The following RGS6 variants were observed in gnomAD, a reference collection of about 807,000 sequenced individuals.
RGS6 encodes the protein regulator of G protein signaling 6.
A neutral mutation model predicts 78.5 loss-of-function variants in RGS6; 30 were observed. The ratio of observed to expected loss-of-function variants is 0.38; its 90% CI spans 0.29 to 0.52. RGS6 has a LOEUF of 0.52. Among genes scored for constraint, RGS6 ranks in the 20% least tolerant of loss-of-function variants. The pLI is 0.85. For synonymous variants in RGS6, 206 were observed against 206.0 expected (o/e 1.00, Z 0.00); for missense variants, 495 against 609.7 (o/e 0.81, Z 1.98).
At chr14:72,295,196 C>T (rs1460009341) in intron 2 of RGS6, among the ~76,000 whole-genome samples, 2 of 149,416 alleles carry the variant, frequency 1.3e-5, no homozygotes, top group African/African-American at 4.9e-5. Flanking sequence ...GAGGCTGAGG[C>T]AGGAGAATGG....
At chr14:72,067,379 A>G (rs1357779863) in intron 2 of RGS6, among the ~76,000 whole-genome samples, 1 of 152,160 alleles carries the variant, frequency 6.6e-6, no homozygotes, top group Non-Finnish European at 1.5e-5. Context: ...CTTAAAACCT[A>G]GATAATAGGT....
chr14:72,494,372 TA>T lies in RGS6; in HGVS notation c.855-773del, dbSNP rs1355552234. Among the ~76,000 whole-genome samples the T allele has an allele frequency of 3.3e-5, 5 of 151,852 alleles. No individual in the cohort carries two copies. In the South Asian group the frequency reaches 6.2e-4, roughly 19 times the overall value. On this transcript the variant is annotated intron_variant, in intron 12 of 17. Transcript: ENST00000553525. ...TAGAAAGATAAATTCTTGTCTAAAA[TA>T]AAAAAATCAGGAATAGATATAAAAG...
intron 13 of RGS6, 35 bp downstream of exon 13, chr14:72,495,297 A>G: frequency 7.8e-7 from 1 of 1,277,654 alleles, no homozygotes; most frequent in Non-Finnish European, 1.1e-6. Flanking sequence ...AGTGGGATGA[A>G]TGTAGACAAA....
intron 17 of RGS6, among the ~76,000 whole-genome samples, chr14:72,545,031 T>C (rs952461191): frequency 2.0e-5 from 3 of 152,230 alleles, no homozygotes; most frequent in African/African-American, 7.2e-5. Flanking sequence ...GGAACAGCCT[T>C]GCACCCTGGT....
At chr14:72,446,900 G>A (rs900873865) in intron 3 of RGS6, among the ~76,000 whole-genome samples, 2 of 152,140 alleles carry the variant, frequency 1.3e-5, no homozygotes, top group Admixed American at 1.3e-4. Flanking sequence ...AGGCAGTAAT[G>A]TGAGTGATGG....
rs754801436 is a variant in RGS6 at position 72,550,452 on chromosome 14, C to T, written c.1422+10358C>T. 3.3e-4 allele frequency: 501 copies of T among 1,535,402 alleles called. 2 individuals carry two copies. The highest frequency in any genetic ancestry group is 1.0e-3 in the Middle Eastern group (6 of 5,990). On this transcript the variant is annotated intron_variant, in intron 17 of 17. Transcript: ENST00000553525. ...AGTACATCTGAGCCCCCGTGCCTAA[C>T]AGGAAAAGACAGACTGTCAAGCAAG...
At chr14:72,425,402 G>T (rs936634794) in intron 3 of RGS6, among the ~76,000 whole-genome samples, 7 of 152,166 alleles carry the variant, frequency 4.6e-5, no homozygotes, top group Admixed American at 4.6e-4. Context: ...GCCTCCCAAA[G>T]TGCTGGGATT....
intron 12 of RGS6, among the ~76,000 whole-genome samples, chr14:72,481,805 CTT>C (rs34462310): frequency 0.11 from 12,695 of 119,834 alleles, 462 homozygotes; most frequent in South Asian, 0.15. Flanking sequence ...TTTATTTTAA[CTT>C]TTTTTTTTTT....
intron 2 of RGS6, among the ~76,000 whole-genome samples, chr14:72,262,712 T>G (rs2058376858): frequency 6.6e-6 from 1 of 152,196 alleles, no homozygotes; most frequent in Admixed American, 6.5e-5. Context: ...TAGAACCAAT[T>G]ACCTGTGAAA....
the RGS6 span, chr14:72,612,625 T>A: frequency 3.9e-6 from 2 of 518,466 alleles, no homozygotes; most frequent in South Asian, 2.8e-5. Flanking sequence ...AGAATCAGGG[T>A]CTCAGTGGGG....
chr14:72,143,097 A>C (rs935007622), intron 2 of RGS6, among the ~76,000 whole-genome samples: 1 of 152,138 alleles, frequency 6.6e-6, no homozygotes, highest in Non-Finnish European at 1.5e-5. Context: ...GCTGGGCTCC[A>C]TGGCTCACAT....
chr14:72,316,811 G>A (rs1180649104), intron 2 of RGS6, among the ~76,000 whole-genome samples: 3 of 151,838 alleles, frequency 2.0e-5, no homozygotes, highest in Admixed American at 1.3e-4. Flanking sequence ...GGCCAAATCA[G>A]TAAACCTGAA....
intron 3 of RGS6, among the ~76,000 whole-genome samples, chr14:72,356,345 A>T (rs904584864): frequency 3.3e-5 from 5 of 152,086 alleles, no homozygotes; most frequent in Non-Finnish European, 7.4e-5. Flanking sequence ...TATGTAAGAC[A>T]TGCCTTTTTT....
intron 17 of RGS6, among the ~76,000 whole-genome samples, chr14:72,561,898 C>T (rs2153555787): frequency 6.6e-6 from 1 of 152,284 alleles, no homozygotes; most frequent in South Asian, 2.1e-4. Flanking sequence ...CAAGAGGACT[C>T]AAGGTCTTTG....
intron 2 of RGS6, among the ~76,000 whole-genome samples, chr14:72,296,451 A>AT (rs1272769498): frequency 4.6e-5 from 7 of 152,232 alleles, no homozygotes; most frequent in African/African-American, 1.2e-4. Context: ...CATCCATGCA[A>AT]TATATGAGCA....
chr14:71,926,825 TTGATAGGGTTTC>T, the RGS6 span, among the ~76,000 whole-genome samples: 1 of 152,178 alleles, frequency 6.6e-6, no homozygotes, highest in Non-Finnish European at 1.5e-5. Flanking sequence ...ACTAGGACTT[TTGATAGGGTTTC>T]AATGGACACA....
intron 2 of RGS6, among the ~76,000 whole-genome samples, chr14:72,218,690 C>T (rs900371073): frequency 6.6e-6 from 1 of 152,132 alleles, no homozygotes; most frequent in African/African-American, 2.4e-5. Context: ...TAGCTCACTG[C>T]AACCTCTACC....
chr14:72,488,298 G>T (rs2096526442), intron 12 of RGS6, among the ~76,000 whole-genome samples: 1 of 152,132 alleles, frequency 6.6e-6, no homozygotes, highest in Non-Finnish European at 1.5e-5. Flanking sequence ...GACGCCTCTT[G>T]CCTAGACCTT....
the RGS6 span, among the ~76,000 whole-genome samples, chr14:72,607,565 T>G: frequency 6.6e-6 from 1 of 152,228 alleles, no homozygotes; most frequent in South Asian, 2.1e-4. Context: ...ATTCATACCA[T>G]AGCAGACTAG....
Sources: allele counts gnomAD v4.1 joint callset (sites outside exome capture counted in the v4.1 genomes callset), GRCh38; gene constraint gnomAD v4.1.1; transcripts MANE v1.5; gene names NCBI Gene and HGNC (gene_info 2026-07-23, HGNC 2026-07-21).